The following ACOT11 variants were observed in gnomAD, a reference collection of about 807,000 sequenced individuals.
ACOT11 encodes the protein acyl-coenzyme A thioesterase 11.
Under a neutral mutation model 77.5 loss-of-function variants are expected in ACOT11, and 69 were observed. The ratio of observed to expected loss-of-function variants is 0.89; its 90% CI spans 0.73 to 1.09. The LOEUF is 1.09. Among genes scored for constraint, ACOT11 ranks in the 50% least tolerant of loss-of-function variants. The pLI, the probability that ACOT11 is intolerant of heterozygous loss-of-function variation, is 0.00. For synonymous variants in ACOT11, 279 were observed against 313.0 expected, an observed-to-expected ratio of 0.89 and a Z score of 1.15; for missense variants, 766 against 813.7, an observed-to-expected ratio of 0.94 and a Z score of 0.71.
chr1:54,572,313 G>C (rs1653953715), intron 1 of ACOT11, among the ~76,000 whole-genome samples: 1 of 152,116 alleles, frequency 6.6e-6, no homozygotes, highest in Non-Finnish European at 1.5e-5. Context: ...CCCAGCTCCA[G>C]GGTAAACAGA....
chr1:54,551,749 G>GTTTTTGTT (rs1160769430), intron 1 of ACOT11, among the ~76,000 whole-genome samples: 1 of 151,502 alleles, frequency 6.6e-6, no homozygotes, highest in African/African-American at 2.4e-5. Context: ...TTTTGTTTTT[G>GTTTTTGTT]TTTTTGTTTT....
intron 3 of ACOT11, among the ~76,000 whole-genome samples, chr1:54,587,716 C>T (rs1245458670): frequency 1.3e-5 from 2 of 150,616 alleles, no homozygotes; most frequent in African/African-American, 4.9e-5. Context: ...TGCGTGACAC[C>T]ACACCCAGCT....
chr1:54,591,532 A>T (rs1417595329), intron 3 of ACOT11, among the ~76,000 whole-genome samples: 1 of 151,994 alleles, frequency 6.6e-6, no homozygotes, highest in South Asian at 2.1e-4. Flanking sequence ...TTGGCATGGC[A>T]CTCTCCATGT....
At chr1:54,611,892 C>T, downstream of ACOT11, 3 of 880,682 alleles carry the variant, frequency 3.4e-6, no homozygotes, top group Non-Finnish European at 5.2e-6. Context: ...CTGAGTCCTA[C>T]CCCTTCCCAA....
At chr1:54,612,369 G>A, downstream of ACOT11, 4 of 700,282 alleles carry the variant, frequency 5.7e-6, no homozygotes, top group South Asian at 7.0e-5. Context: ...GAGGGCATGA[G>A]CACTGGCAGG....
rs536979446 is a variant in ACOT11 at position 54,600,591 on chromosome 1, G to A, written c.885-678G>A. On this transcript the variant is annotated intron_variant, in intron 8 of 15. Transcript: ENST00000343744. ...CCAGCTACTCAGGAGGCTGAGGCACGAGAATCCCTTGAATCCAAGAGGCGG... is the reference window on the plus strand; with the variant it reads ...CCAGCTACTCAGGAGGCTGAGGCACAAGAATCCCTTGAATCCAAGAGGCGG... Among the ~76,000 whole-genome samples, 7 of 152,302 alleles carry A rather than the reference G, an allele frequency of 4.6e-5. No homozygotes were observed. The East Asian group carries it at 9.7e-4, about 21-fold the overall frequency.
intron 1 of ACOT11, chr1:54,548,587 T>G (rs1401934533): frequency 3.4e-6 from 2 of 583,322 alleles, no homozygotes; most frequent in East Asian, 5.9e-5. Flanking sequence ...TGGAATCACC[T>G]TCAGCAAGTG....
chr1:54,571,422 G>A (rs1385880769), intron 1 of ACOT11, among the ~76,000 whole-genome samples: 2 of 152,224 alleles, frequency 1.3e-5, no homozygotes, highest in African/African-American at 4.8e-5. Context: ...AGAGCTTGAG[G>A]CTGAAGGCAG....
At chr1:54,563,385 CA>C (rs1226193519) in intron 1 of ACOT11, among the ~76,000 whole-genome samples, 2 of 152,234 alleles carry the variant, frequency 1.3e-5, no homozygotes, top group Non-Finnish European at 2.9e-5. Flanking sequence ...TGCCATTAGA[CA>C]AGGCTTTTAT....
At chr1:54,562,610 T>C (rs1449887504) in intron 1 of ACOT11, among the ~76,000 whole-genome samples, 51 of 124,124 alleles carry the variant, frequency 4.1e-4, no homozygotes, top group South Asian at 1.1e-3. Flanking sequence ...ACTTCTCAGA[T>C]GGGGCAGCTG....
intron 1 of ACOT11, among the ~76,000 whole-genome samples, chr1:54,558,787 G>T (rs1465901574): frequency 6.6e-6 from 1 of 152,206 alleles, no homozygotes; most frequent in Non-Finnish European, 1.5e-5. Context: ...CAGGCTGGGG[G>T]TCCAGGCCTT....
intron 1 of ACOT11, among the ~76,000 whole-genome samples, chr1:54,557,272 A>G (rs998789542): frequency 2.0e-5 from 3 of 151,196 alleles, no homozygotes; most frequent in Non-Finnish European, 4.4e-5. Context: ...CGCACCTGTA[A>G]TCCCAGCTAC....
In ACOT11 at chr1:54,616,226, C is replaced by G. The variant is rs968211105; in HGVS notation, c.1629+8158C>G. ...TCCTTTTTTTAAAAAAAGAAAACTT[C>G]TTTCTCATCATAAAAGCATTACAAA... On this transcript the variant is annotated intron_variant, in intron 15 of 16. Coordinates refer to the ACOT11 transcript ENST00000371316. 1.9e-5 allele frequency: 28 copies of G among 1,487,540 alleles called. 1 individual carries two copies. The highest frequency in any genetic ancestry group is 2.5e-5 in the South Asian group (2 of 81,272). The allele number at this position is 1,487,540 out of a possible 1,614,324, so 92.1% of individuals were successfully genotyped here.
At chr1:54,603,585 G>C (rs141336368) in intron 10 of ACOT11, among the ~76,000 whole-genome samples, 90 of 152,278 alleles carry the variant, frequency 5.9e-4, no homozygotes, top group Non-Finnish European at 1.1e-3. Context: ...GCAGCACCAG[G>C]GTGAGGTCAC....
chr1:54,571,064 T>G (rs1653913464), intron 1 of ACOT11, among the ~76,000 whole-genome samples: 1 of 141,362 alleles, frequency 7.1e-6, no homozygotes, highest in African/African-American at 3.1e-5. Flanking sequence ...TATGATATTC[T>G]CTCTCTCTTT....
intron 1 of ACOT11, among the ~76,000 whole-genome samples, chr1:54,580,935 C>T (rs1293627555): frequency 6.6e-6 from 1 of 152,156 alleles, no homozygotes; most frequent in African/African-American, 2.4e-5. Context: ...GAGTGGTGCT[C>T]TAAGGAAACG....
intron 1 of ACOT11, among the ~76,000 whole-genome samples, chr1:54,581,639 T>C (rs962599392): frequency 6.6e-6 from 1 of 152,124 alleles, no homozygotes; most frequent in Non-Finnish European, 1.5e-5. Flanking sequence ...GCACAGCTGC[T>C]GTCTGAGAGG....
At chr1:54,620,369 A>G (rs1487521966) in intron 15 of ACOT11, among the ~76,000 whole-genome samples, 1 of 152,228 alleles carries the variant, frequency 6.6e-6, no homozygotes, top group Non-Finnish European at 1.5e-5. Flanking sequence ...CTGAAGAGCC[A>G]TTGGCCTGGT....
At chr1:54,575,393 A>C (rs1215775052) in intron 1 of ACOT11, among the ~76,000 whole-genome samples, 1 of 152,110 alleles carries the variant, frequency 6.6e-6, no homozygotes, top group East Asian at 1.9e-4. Flanking sequence ...ATTTCAGACA[A>C]GGTTATTTTT....
Sources: gnomAD v4.1 joint callset for allele counts (sites outside exome capture counted in the v4.1 genomes callset) on GRCh38, gnomAD v4.1.1 for gene constraint, MANE v1.5 for transcripts, NCBI Gene and HGNC (gene_info 2026-07-23, HGNC 2026-07-21) for gene names.